Variants in SUPT3H observed in about 807,000 individuals in gnomAD.
SUPT3H encodes the protein SPT3 homolog, SAGA and STAGA complex component.
A neutral mutation model predicts 44.3 loss-of-function variants in SUPT3H; 44 were observed. The ratio of observed to expected loss-of-function variants is 0.99; its 90% CI spans 0.78 to 1.28. SUPT3H has a LOEUF of 1.28. Ranked by LOEUF, SUPT3H falls within the 50% of genes most tolerant of loss-of-function variation. SUPT3H has a pLI of 0.00. For missense variants in SUPT3H, 380 were observed against 387.1 expected (o/e 0.98, Z 0.15); for synonymous variants, 124 against 125.6 (o/e 0.99, Z 0.09).
intron 3 of SUPT3H, among the ~76,000 whole-genome samples, chr6:45,028,504 C>T (rs1192032793): frequency 2.0e-5 from 3 of 151,668 alleles, no homozygotes; most frequent in Non-Finnish European, 2.9e-5. Context: ...CCATTTTCTA[C>T]ATCTTGTAAG....
At chr6:45,320,521 C>A (rs999735900) in intron 2 of SUPT3H, among the ~76,000 whole-genome samples, 6 of 152,046 alleles carry the variant, frequency 3.9e-5, no homozygotes, top group African/African-American at 1.4e-4. Context: ...ACAAGTGATC[C>A]TCCCACCTCA....
chr6:45,021,875 A>G (rs1289588333), intron 3 of SUPT3H, among the ~76,000 whole-genome samples: 1 of 151,992 alleles, frequency 6.6e-6, no homozygotes. Context: ...TATAAACACT[A>G]TCCTATCTAA....
intron 2 of SUPT3H, among the ~76,000 whole-genome samples, chr6:45,194,703 A>G (rs985323444): frequency 5.1e-4 from 77 of 152,310 alleles, no homozygotes; most frequent in African/African-American, 1.7e-3. Context: ...AATAAAAAAT[A>G]CACTACGGTT....
chr6:44,991,958 G>T (rs1224793108), intron 6 of SUPT3H, among the ~76,000 whole-genome samples: 1 of 152,116 alleles, frequency 6.6e-6, no homozygotes, highest in African/African-American at 2.4e-5. Flanking sequence ...ACAACCATCT[G>T]CCCACCTACT....
chr6:44,834,478 A>G (rs558591515), intron 10 of SUPT3H, among the ~76,000 whole-genome samples: 117 of 152,272 alleles, frequency 7.7e-4, no homozygotes, highest in African/African-American at 2.6e-3. Flanking sequence ...CTGCCACAAC[A>G]TGTTTAATAC....
intron 2 of SUPT3H, among the ~76,000 whole-genome samples, chr6:45,336,453 G>A (rs1788570424): frequency 6.6e-6 from 1 of 151,274 alleles, no homozygotes. Flanking sequence ...TGATTATTAG[G>A]CTTATTTTTA....
intron 2 of SUPT3H, among the ~76,000 whole-genome samples, chr6:45,116,287 T>A (rs1474049699): frequency 6.6e-6 from 1 of 152,156 alleles, no homozygotes; most frequent in Admixed American, 6.6e-5. Context: ...AACAGTGGAA[T>A]GAACACCTGT....
At chr6:45,076,842 C>T (rs981298910) in intron 3 of SUPT3H, among the ~76,000 whole-genome samples, 8 of 152,126 alleles carry the variant, frequency 5.3e-5, no homozygotes, top group African/African-American at 1.9e-4. Flanking sequence ...AAATGGCCTC[C>T]TTGCCTCAAA....
At chr6:45,066,340 C>G (rs910316712) in intron 3 of SUPT3H, among the ~76,000 whole-genome samples, 2 of 145,964 alleles carry the variant, frequency 1.4e-5, no homozygotes, top group African/African-American at 5.1e-5. Context: ...CTATGACAAA[C>G]CCACAGCCAA....
Position 45,286,351 on chromosome 6 carries a change from A to T in SUPT3H, c.101+78850T>A, listed in dbSNP as rs555367195. Among the ~76,000 whole-genome samples the T allele has an allele frequency of 4.7e-4, 71 of 152,334 alleles. 1 individual carries two copies. The South Asian group carries it at 6.6e-3, about 14-fold the overall frequency. The stretch of plus-strand genomic sequence containing the variant: ...AAAATTTTTGCAATCTACTCATCTG[A>T]CAAAGGGCGAATATCTAGAATCTAC... On this transcript the variant is annotated intron_variant, in intron 2 of 10. Transcript: ENST00000371459.
chr6:44,896,163 G>A (rs1278548419), intron 10 of SUPT3H, among the ~76,000 whole-genome samples: 2 of 152,074 alleles, frequency 1.3e-5, no homozygotes, highest in Non-Finnish European at 2.9e-5. Context: ...ACCAGGTAAC[G>A]AGGTTTGAAA....
At chr6:44,987,259 T>A (rs1279041028) in intron 6 of SUPT3H, among the ~76,000 whole-genome samples, 1 of 128,962 alleles carries the variant, frequency 7.8e-6, no homozygotes, top group Non-Finnish European at 1.6e-5. Flanking sequence ...ACACTGGGCA[T>A]TGGGAGTCAG....
chr6:45,032,946 G>A (rs749221689), intron 3 of SUPT3H, among the ~76,000 whole-genome samples: 14 of 152,170 alleles, frequency 9.2e-5, no homozygotes, highest in South Asian at 2.1e-4. Context: ...ACTCTGAGTT[G>A]TAGGCAGATG....
chr6:45,248,162 CT>C (rs1325890379), intron 2 of SUPT3H, among the ~76,000 whole-genome samples: 1 of 151,974 alleles, frequency 6.6e-6, no homozygotes, highest in East Asian at 1.9e-4. Context: ...TGAAGAAAAT[CT>C]TTGTGACATT....
intron 6 of SUPT3H, among the ~76,000 whole-genome samples, chr6:44,978,099 T>C (rs1233143851): frequency 6.6e-6 from 1 of 152,212 alleles, no homozygotes; most frequent in Non-Finnish European, 1.5e-5. Context: ...CTTGATGTTA[T>C]GCATGCTGCA....
chr6:45,093,897 G>C (rs1394268639), intron 3 of SUPT3H, among the ~76,000 whole-genome samples: 1 of 152,056 alleles, frequency 6.6e-6, no homozygotes, highest in African/African-American at 2.4e-5. Context: ...TATATTCTAT[G>C]CATAAAACAA....
intron 6 of SUPT3H, among the ~76,000 whole-genome samples, chr6:44,975,351 C>T (rs1217135949): frequency 2.0e-5 from 3 of 152,044 alleles, no homozygotes; most frequent in Non-Finnish European, 4.4e-5. Flanking sequence ...CAACCAACAA[C>T]TGAATAAAGA....
chr6:45,257,972 A>G (rs1307802803), intron 2 of SUPT3H, among the ~76,000 whole-genome samples: 1 of 152,230 alleles, frequency 6.6e-6, no homozygotes, highest in Non-Finnish European at 1.5e-5. Flanking sequence ...TTTAATAGTG[A>G]TATTTCCATT....
At chr6:45,204,909 C>T (rs1762994114) in intron 2 of SUPT3H, among the ~76,000 whole-genome samples, 1 of 152,102 alleles carries the variant, frequency 6.6e-6, no homozygotes, top group East Asian at 1.9e-4. Context: ...AGATTCAGAC[C>T]CTTCTTATTC....
Sources: gnomAD v4.1 joint callset for allele counts (sites outside exome capture counted in the v4.1 genomes callset) on GRCh38, gnomAD v4.1.1 for gene constraint, MANE v1.5 for transcripts, NCBI Gene and HGNC (gene_info 2026-07-23, HGNC 2026-07-21) for gene names.